Variants in PRRC2A observed in about 807,000 individuals in gnomAD.
PRRC2A encodes the protein protein PRRC2A.
In PRRC2A, 59 loss-of-function variants were observed where a neutral mutation model predicts 224.6. The ratio of observed to expected loss-of-function variants is 0.26; its 90% CI spans 0.21 to 0.33. PRRC2A has a LOEUF of 0.33. PRRC2A is among the 10% of genes least tolerant of loss of function. PRRC2A has a pLI of 1.00. For synonymous variants in PRRC2A, 1,194 were observed against 1,109.5 expected, an observed-to-expected ratio of 1.08 and a Z score of -1.51; for missense variants, 3,095 against 2,880.7, an observed-to-expected ratio of 1.07 and a Z score of -1.70.
At position 31,626,445 on chromosome 6, in the gene PRRC2A, T is replaced by C. The variant is rs7751733; in HGVS notation, c.982+283T>C. On this transcript the variant is annotated intron_variant, in intron 9 of 30. Coordinates refer to ENST00000376033, the MANE Select transcript of PRRC2A (RefSeq NM_004638.4). Reference sequence around the variant, plus strand: ...TGGACTGTGCATCTGTGGTCCCAGCTACTCTGGAGGTTGTGGTGGGAGGAT... The same window carrying C: ...TGGACTGTGCATCTGTGGTCCCAGCCACTCTGGAGGTTGTGGTGGGAGGAT... 3.7e-3 allele frequency among the ~76,000 whole-genome samples: 559 copies of C among 151,988 alleles called. 2 individuals are homozygous for C. The highest frequency in any genetic ancestry group is 0.013 in the African/African-American group (530 of 41,420).
Position 31,625,549 on chromosome 6 carries a change from G to C in PRRC2A, c.697G>C (p.Gly233Arg). The C allele has an allele frequency of 6.4e-7, 1 of 1,574,570 alleles. No homozygotes were observed. The highest frequency in any genetic ancestry group is 8.6e-7 in the Non-Finnish European group (1 of 1,157,312). The change falls in exon 7 of 31, where the codon GGT (glycine) becomes CGT (arginine). Residue 233 changes from glycine (G) to arginine (R), a missense_variant. Physicochemically the swap from Gly to Arg is moderately radical, Grantham distance 125. Transcript: ENST00000376033. This position sits in a 1 kb window ranked among gnomAD's most constrained non-coding sequence, Gnocchi z 4.1. ...ACTTCATCATGGTCATGATCCCCGGGGTGGGCTACAGCCTTCAGGCCCACC... is the reference window on the plus strand; with the variant it reads ...ACTTCATCATGGTCATGATCCCCGGCGTGGGCTACAGCCTTCAGGCCCACC... ...SKLHHGHDPRGGLQPSGPPQF... is the reference protein window; with the variant it reads ...SKLHHGHDPRRGLQPSGPPQF...
At position 31,634,532 on chromosome 6, in the gene PRRC2A, C is replaced by T; in HGVS notation, c.4910C>T (p.Pro1637Leu). 6.2e-7 allele frequency: 1 copy of T among 1,612,688 alleles called. No individual in the cohort carries two copies. Among genetic ancestry groups the T allele is most frequent in the Non-Finnish European group, 8.5e-7 (1 of 1,179,884 alleles). ...SMEPWMEPLS[P>L]FEDVAGTEMS... ...GAGCCTTGGATGGAGCCCCTGAGTC[C>T]TTTTGAGGATGTGGCTGGCACAGAA... Residue 1637 changes from proline to leucine, a missense_variant, in exon 20 of 31, where the codon CCT (proline) becomes CTT (leucine). Coordinates refer to ENST00000376033, the MANE Select transcript of PRRC2A (RefSeq NM_004638.4).
In PRRC2A at chr6:31,636,514, G is replaced by A. The variant is rs190265605; in HGVS notation, c.5840G>A (p.Arg1947His). 4.0e-5 allele frequency: 64 copies of A among 1,608,656 alleles called. No homozygotes were observed. The East Asian group carries it at 1.2e-3, about 29-fold the overall frequency. The change falls in exon 27 of 31, where the codon CGC becomes CAC. Residue 1947 changes from arginine (R) to histidine (H), a missense_variant. Transcript: ENST00000376033. The surrounding 1 kb of genome is among the most constrained non-coding windows in gnomAD (Gnocchi z 4.3). ...TTTCTCCCTGTTTCCCGACAGGTAC[G>A]CCAGGATCTGCCATCCCCTTCGGAT... is the stretch of plus-strand genomic sequence containing the variant. ...PLPDTSLLQV[R>H]QDLPSPSDFY...
rs9469030 is a variant in PRRC2A at position 31,622,712 on chromosome 6, C to A, written c.-78C>A. The A allele has an allele frequency of 1.2e-3, 1,168 of 1,007,870 alleles. 7 individuals carry two copies. The African/African-American group carries it at 0.014, about 12-fold the overall frequency. The allele number at this position is 1,007,870 out of a possible 1,614,324, so 62.4% of individuals were successfully genotyped here. On this transcript the variant is annotated 5_prime_UTR_variant, in exon 2 of 31. It adds an upstream start codon to the 5' untranslated region. Coordinates refer to ENST00000376033, the MANE Select transcript of PRRC2A (RefSeq NM_004638.4). ...CAGGGGACAGAGACTGAGACACTTG[C>A]TGTCTGGCCCACAGGCTCTGGCACG...
At chr6:31,633,322 T>C in intron 16 of PRRC2A, 57 bp from the exon 17 acceptor site, 1 of 1,568,236 alleles carries the variant, frequency 6.4e-7, no homozygotes, top group Admixed American at 1.8e-5. Context: ...GAAACATAAC[T>C]TGTGGGAAAA....
In PRRC2A at chr6:31,625,972, C is replaced by T. The variant is rs767905733; in HGVS notation, c.840-48C>T. On this transcript the variant is annotated intron_variant, in intron 8 of 30. Coordinates refer to ENST00000376033, the MANE Select transcript of PRRC2A (RefSeq NM_004638.4). This position sits in a 1 kb window ranked among gnomAD's most constrained non-coding sequence, Gnocchi z 4.1. ...GAGGCTCAGTCTAGGATCAGTCTCGCATGTGGTTATACAACATGCCATATT... is the reference window on the plus strand; with the variant it reads ...GAGGCTCAGTCTAGGATCAGTCTCGTATGTGGTTATACAACATGCCATATT... 22 of 1,604,372 alleles carry T rather than the reference C, an allele frequency of 1.4e-5. No homozygotes were observed. The highest frequency in any genetic ancestry group is 1.5e-5 in the Non-Finnish European group (18 of 1,174,634).
intron 14 of PRRC2A, among the ~76,000 whole-genome samples, chr6:31,630,123 C>T (rs1233342083): frequency 6.6e-6 from 1 of 152,144 alleles, no homozygotes; most frequent in Non-Finnish European, 1.5e-5. Flanking sequence ...TCGAGACCAC[C>T]ATGGCTAACG....
Position 31,632,574 on chromosome 6 carries a change from C to T in PRRC2A, c.3901C>T (p.Arg1301Trp), listed in dbSNP as rs747791982. 1.2e-5 allele frequency: 19 copies of T among 1,612,566 alleles called. No homozygotes were observed. Among genetic ancestry groups the T allele is most frequent in the South Asian group, 6.6e-5 (6 of 91,054 alleles). Reference sequence around the variant, plus strand: ...AGTCACAGTGGCCCCAGCACCTCGCCGGGCAGCTGCCAAGTCTCCTGATCT... The same window carrying T: ...AGTCACAGTGGCCCCAGCACCTCGCTGGGCAGCTGCCAAGTCTCCTGATCT... ...TTVTVAPAPR[R>W]AAAKSPDLSN... The change falls in exon 16 of 31, where the codon CGG becomes TGG. Residue 1301 changes from arginine (R) to tryptophan (W), a missense_variant. Transcript: ENST00000376033.
chr6:31,626,391 CAA>C (rs909048603), intron 9 of PRRC2A, among the ~76,000 whole-genome samples: 1 of 139,896 alleles, frequency 7.1e-6, no homozygotes, highest in Non-Finnish European at 1.6e-5. Flanking sequence ...CCCACCTCTA[CAA>C]AAAAAAAAAA....
Position 31,626,842 on chromosome 6 carries a change from TGAG to T in PRRC2A, c.1058_1060del (p.Glu353del), listed in dbSNP as rs750039155. ...ATGAGGAAGATGGGCGAGACTCTGA[TGAG>T]GAGGGTGCTGAGGGCCAGTGAGTTA... On this transcript the variant is annotated inframe_deletion, in exon 10 of 31. Coordinates refer to ENST00000376033, the MANE Select transcript of PRRC2A (RefSeq NM_004638.4). 26 of 1,607,680 alleles carry T rather than the reference TGAG, an allele frequency of 1.6e-5. No individual in the cohort carries two copies. In the East Asian group the frequency reaches 2.7e-4, roughly 17 times the overall value.
At chr6:31,621,247 G>A (rs1478944921) in intron 1 of PRRC2A, among the ~76,000 whole-genome samples, 12 of 151,598 alleles carry the variant, frequency 7.9e-5, no homozygotes, top group Non-Finnish European at 1.2e-4. Context: ...TCGGAAGGGC[G>A]CTTTTCCTCC....
intron 1 of PRRC2A, among the ~76,000 whole-genome samples, chr6:31,621,370 C>A (rs1404587814): frequency 1.3e-5 from 2 of 152,196 alleles, no homozygotes; most frequent in Non-Finnish European, 2.9e-5. Context: ...TCTTTGCTTT[C>A]TATGTTGCTC....
At chr6:31,633,080 A>C in intron 16 of PRRC2A, 88 bp downstream of exon 16, 1 of 1,419,764 alleles carries the variant, frequency 7.0e-7, no homozygotes, top group Non-Finnish European at 9.2e-7. Flanking sequence ...GGTGGAGTGG[A>C]GATTGTGGCC....
At chr6:31,635,361 G>C in intron 22 of PRRC2A, 33 bp from the exon 23 acceptor site, 1 of 1,613,952 alleles carries the variant, frequency 6.2e-7, no homozygotes, top group Non-Finnish European at 8.5e-7. Flanking sequence ...TGTCTGTCAC[G>C]GGACAATGTC....
chr6:31,633,306 A>G, intron 16 of PRRC2A, 73 bp from the exon 17 acceptor site: 1 of 1,554,556 alleles, frequency 6.4e-7, no homozygotes, highest in Non-Finnish European at 8.7e-7. Context: ...TGTAAGCAGA[A>G]GTTGGGAAAC....
At position 31,635,172 on chromosome 6, in the gene PRRC2A, G is replaced by T. The variant is rs755849138; in HGVS notation, c.5201G>T (p.Gly1734Val). The change falls in exon 22 of 31, where the codon GGC becomes GTC. Residue 1734 changes from glycine to valine, a missense_variant. Gly to Val is a moderately radical substitution (Grantham distance 109). Around this residue, in one of 8 missense-constraint regions of PRRC2A, gnomAD observed 662 missense variants for 609.5 expected, o/e 1.09. Transcript: ENST00000376033. ...CAGCCTCTGCCCCCTGGCCCCATTG[G>T]CACAGAACGATCACAGCGTACAGAC... ...REQPLPPGPI[G>V]TERSQRTDRG... 15 of 1,612,720 alleles carry T rather than the reference G, an allele frequency of 9.3e-6. No individual in the cohort carries two copies. Among genetic ancestry groups the T allele is most frequent in the Non-Finnish European group, 1.2e-5 (14 of 1,178,846 alleles).
In PRRC2A at chr6:31,634,511, C is replaced by T. The variant is rs1315237161; in HGVS notation, c.4889C>T (p.Pro1630Leu). The part of the protein sequence containing the change: ...RKSYRPSSME[P>L]WMEPLSPFED... ...AGTTACCGGCCCAGCTCCATGGAGC[C>T]TTGGATGGAGCCCCTGAGTCCTTTT... The change falls in exon 20 of 31, where the codon CCT becomes CTT. Residue 1630 changes from proline to leucine, a missense_variant. Around this residue, in one of 8 missense-constraint regions of PRRC2A, gnomAD observed 2,001 missense variants for 1,764.9 expected, o/e 1.13. Coordinates refer to ENST00000376033, the MANE Select transcript of PRRC2A (RefSeq NM_004638.4). The T allele has an allele frequency of 1.2e-6, 2 of 1,612,916 alleles. No homozygotes were observed. The highest frequency in any genetic ancestry group is 2.2e-5 in the East Asian group (1 of 44,880).
At chr6:31,629,928 G>C in intron 14 of PRRC2A, 83 bp downstream of exon 14, 1 of 1,564,724 alleles carries the variant, frequency 6.4e-7, no homozygotes, top group South Asian at 1.2e-5. Flanking sequence ...TGTGACTCTG[G>C]TACGATAGGT....
chr6:31,623,244 A>C, intron 2 of PRRC2A: 1 of 534,640 alleles, frequency 1.9e-6, no homozygotes. Context: ...AGCCTTCTTG[A>C]TAGGGATTTC....
Sources: allele counts gnomAD v4.1 joint callset (sites outside exome capture counted in the v4.1 genomes callset), GRCh38; gene constraint gnomAD v4.1.1; regional missense constraint gnomAD v4.1.1; non-coding constraint Gnocchi (gnomAD v3.1); transcripts MANE v1.5; gene names NCBI Gene and HGNC (gene_info 2026-07-23, HGNC 2026-07-21).